PALLD: variants seen among roughly 807,000 people sequenced by gnomAD.
The protein encoded by PALLD is palladin, cytoskeletal associated protein.
PALLD carries 61 observed loss-of-function variants against 123.5 expected under a neutral mutation model. The ratio of observed to expected loss-of-function variants is 0.49; its 90% CI spans 0.40 to 0.61. The LOEUF (loss-of-function observed/expected upper bound fraction) is 0.61, where lower values mean the gene tolerates loss of function less well. PALLD is among the 20% of genes least tolerant of loss of function. The probability of loss-of-function intolerance (pLI) is 0.00; values close to 1 mark genes in which losing one functional copy is unlikely to be tolerated. For synonymous variants in PALLD, 465 were observed against 496.4 expected (o/e 0.94, Z 0.84); for missense variants, 1,273 against 1,377.0 (o/e 0.92, Z 1.20).
chr4:168,671,033 A>AG (rs1413269706), intron 3 of PALLD, among the ~76,000 whole-genome samples: 3 of 151,450 alleles, frequency 2.0e-5, no homozygotes, highest in Admixed American at 6.6e-5. Flanking sequence ...AAAGAAAAAA[A>AG]AAATGTAAAA....
chr4:168,540,289 T>C (rs949731567), intron 2 of PALLD, among the ~76,000 whole-genome samples: 3 of 152,166 alleles, frequency 2.0e-5, no homozygotes, highest in Non-Finnish European at 4.4e-5. Flanking sequence ...GCTCCAAAAA[T>C]AAATTACAGG....
At chr4:168,605,080 A>T (rs1200604201) in intron 2 of PALLD, among the ~76,000 whole-genome samples, 2 of 152,118 alleles carry the variant, frequency 1.3e-5, no homozygotes, top group Non-Finnish European at 2.9e-5. Context: ...TCTGGTGCAG[A>T]GTGTGATCAA....
chr4:168,832,280 TG>T (rs977226640), intron 10 of PALLD: 11 of 446,040 alleles, frequency 2.5e-5, no homozygotes, highest in Admixed American at 1.3e-4. Flanking sequence ...CGGGACAGGG[TG>T]GGGGCGGGGA....
Position 168,903,882 on chromosome 4 carries a change from T to C in PALLD, c.2598T>C (p.Tyr866=), listed in dbSNP as rs997146277. 32 of 1,614,090 alleles carry C rather than the reference T, an allele frequency of 2.0e-5. No individual in the cohort carries two copies. The highest frequency in any genetic ancestry group is 2.7e-5 in the Non-Finnish European group (32 of 1,179,938). Residue 866 remains tyrosine, a synonymous_variant, in exon 15 of 22, where the codon TAT becomes TAC. Transcript: ENST00000505667. ...TASTLDDDGN[Y]TIMAANPQGR... is the part of the protein sequence containing the mutation. The stretch of plus-strand genomic sequence containing the variant: ...CCACCCTAGATGATGATGGGAATTA[T>C]ACAATTATGGCTGCAAACCCTCAGG...
intron 7 of PALLD, 110 bp downstream of exon 7, chr4:168,690,854 G>C (rs1782553889): frequency 7.0e-6 from 8 of 1,138,600 alleles, no homozygotes; most frequent in Non-Finnish European, 9.3e-6. Flanking sequence ...TGTTCAAAGA[G>C]TGGCAGGATC....
intron 10 of PALLD, among the ~76,000 whole-genome samples, chr4:168,794,640 C>T (rs984227704): frequency 2.6e-5 from 4 of 151,992 alleles, no homozygotes; most frequent in Admixed American, 1.3e-4. Flanking sequence ...CCTACACGTC[C>T]GTCTTTTAGC....
intron 10 of PALLD, among the ~76,000 whole-genome samples, chr4:168,867,671 C>T (rs1365972642): frequency 6.6e-6 from 1 of 151,996 alleles, no homozygotes; most frequent in African/African-American, 2.4e-5. Flanking sequence ...TATATGAATT[C>T]ATCCATTTAT....
intron 2 of PALLD, among the ~76,000 whole-genome samples, chr4:168,606,537 G>A (rs746768800): frequency 6.6e-6 from 1 of 152,026 alleles, no homozygotes; most frequent in Non-Finnish European, 1.5e-5. Context: ...AGCTGGGCAT[G>A]GTAACGGTCA....
chr4:168,606,926 C>G (rs1163798999), intron 2 of PALLD, among the ~76,000 whole-genome samples: 1 of 152,174 alleles, frequency 6.6e-6, no homozygotes, highest in African/African-American at 2.4e-5. Flanking sequence ...TTTTCTCTTG[C>G]TCATAACATT....
intron 6 of PALLD, 145 bp downstream of exon 6, chr4:168,685,704 A>G: frequency 4.8e-6 from 3 of 622,364 alleles, no homozygotes; most frequent in East Asian, 3.3e-5. Flanking sequence ...CTAAATAGAT[A>G]TTTGTTGAAC....
At chr4:168,636,362 G>T (rs1193207131) in intron 2 of PALLD, among the ~76,000 whole-genome samples, 1 of 152,188 alleles carries the variant, frequency 6.6e-6, no homozygotes, top group Non-Finnish European at 1.5e-5. Flanking sequence ...GTGGGTACCT[G>T]TAGTCCTAGC....
intron 8 of PALLD, among the ~76,000 whole-genome samples, chr4:168,706,605 T>G (rs1345156612): frequency 6.6e-6 from 1 of 152,192 alleles, no homozygotes; most frequent in Non-Finnish European, 1.5e-5. Context: ...TCAAGCAGTC[T>G]GTTAACCAGA....
At chr4:168,628,527 T>C (rs1775517192) in intron 2 of PALLD, among the ~76,000 whole-genome samples, 2 of 152,174 alleles carry the variant, frequency 1.3e-5, no homozygotes, top group Non-Finnish European at 2.9e-5. Context: ...GGTCCCTCCT[T>C]AAGGCCTTTG....
At chr4:168,757,112 A>T (rs548239750) in intron 10 of PALLD, among the ~76,000 whole-genome samples, 106 of 152,348 alleles carry the variant, frequency 7.0e-4, no homozygotes, top group African/African-American at 2.4e-3. Context: ...ACAGAGCCTG[A>T]GTGAAGTGTG....
At chr4:168,642,606 T>C (rs2149876935) in intron 2 of PALLD, among the ~76,000 whole-genome samples, 1 of 152,322 alleles carries the variant, frequency 6.6e-6, no homozygotes, top group African/African-American at 2.4e-5. Flanking sequence ...TTCACCCTGT[T>C]GGCCAGGCTG....
chr4:168,840,850 A>G (rs1745933094), intron 10 of PALLD, among the ~76,000 whole-genome samples: 3 of 151,918 alleles, frequency 2.0e-5, no homozygotes, highest in Non-Finnish European at 2.9e-5. Context: ...ATACAGATTT[A>G]TTTATTTATT....
At chr4:168,706,440 C>T (rs545055085) in intron 8 of PALLD, among the ~76,000 whole-genome samples, 1 of 152,198 alleles carries the variant, frequency 6.6e-6, no homozygotes, top group East Asian at 1.9e-4. Flanking sequence ...CAATTTTAAA[C>T]CTGTATTAAT....
At chr4:168,696,134 G>C (rs1050585580) in intron 8 of PALLD, among the ~76,000 whole-genome samples, 2 of 152,140 alleles carry the variant, frequency 1.3e-5, no homozygotes, top group Admixed American at 6.5e-5. Flanking sequence ...CAGAGGCCAC[G>C]GGTTGGACAA....
intron 10 of PALLD, among the ~76,000 whole-genome samples, chr4:168,800,890 A>G (rs1270356925): frequency 6.6e-6 from 1 of 152,250 alleles, no homozygotes; most frequent in African/African-American, 2.4e-5. Context: ...ACAAGTAAGG[A>G]AATTGTGGTA....
Sources: gnomAD v4.1 joint callset for allele counts (sites outside exome capture counted in the v4.1 genomes callset) on GRCh38, gnomAD v4.1.1 for gene constraint, MANE v1.5 for transcripts, NCBI Gene and HGNC (gene_info 2026-07-23, HGNC 2026-07-21) for gene names.